Variants in KIF13A observed in about 807,000 individuals in gnomAD.
The protein encoded by KIF13A is kinesin-like protein KIF13A.
In KIF13A, 79 loss-of-function variants were observed where a neutral mutation model predicts 212.2. The observed-to-expected ratio is 0.37, with a 90% CI of 0.31 to 0.45. The LOEUF (loss-of-function observed/expected upper bound fraction) is 0.45. Among genes scored for constraint, KIF13A ranks in the 20% least tolerant of loss-of-function variants. The pLI is 1.00. For missense variants in KIF13A, 1,901 were observed against 2,209.0 expected, an observed-to-expected ratio of 0.86 and a Z score of 2.79; for synonymous variants, 789 against 808.6, an observed-to-expected ratio of 0.98 and a Z score of 0.41.
At position 17,786,480 on chromosome 6, in the gene KIF13A, G is replaced by T. The variant is rs998592187; in HGVS notation, c.3362-839C>A. Among the ~76,000 whole-genome samples the T allele has an allele frequency of 1.4e-4, 22 of 151,822 alleles. No homozygotes were observed. Among genetic ancestry groups the T allele is most frequent in the African/African-American group, 5.1e-4 (21 of 41,330 alleles). ...CAGGCGTGGTGGTGGGCGCCTTGTA[G>T]TCCCAGCTACTCAGGAGACTGAGGC... On this transcript the variant is annotated intron_variant, in intron 27 of 38. Coordinates refer to ENST00000259711, the MANE Select transcript of KIF13A (RefSeq NM_022113.6). The surrounding 1 kb of genome is among the most constrained non-coding windows in gnomAD (Gnocchi z 5.4).
Position 17,764,054 on chromosome 6 carries a change from T to C in KIF13A, c.*56A>G, listed in dbSNP as rs1758726608. ...TGTCACAAACAACTGGATGAATCTT[T>C]CCTACCAAGTTGTTGCGGTGAAGGG... On this transcript the variant is annotated 3_prime_UTR_variant, in exon 39 of 39. Transcript: ENST00000259711. This position sits in a 1 kb window ranked among gnomAD's most constrained non-coding sequence, Gnocchi z 5.1. 6.4e-7 allele frequency: 1 copy of C among 1,558,280 alleles called. No homozygotes were observed. The highest frequency in any genetic ancestry group is 1.2e-5 in the South Asian group (1 of 81,026).
At chr6:17,933,335 C>T (rs901405672) in intron 2 of KIF13A, among the ~76,000 whole-genome samples, 1 of 151,998 alleles carries the variant, frequency 6.6e-6, no homozygotes, top group Non-Finnish European at 1.5e-5. Flanking sequence ...TAGCCTCAAC[C>T]TCCTGAGCTC....
At chr6:17,884,103 T>C (rs553278853) in intron 3 of KIF13A, among the ~76,000 whole-genome samples, 9 of 152,262 alleles carry the variant, frequency 5.9e-5, no homozygotes, top group Admixed American at 5.9e-4. Context: ...CCTGCTCAAA[T>C]GTCACCTCCT....
rs1229108528 is a variant in KIF13A, at chr6:17,816,271, G to A, written c.2000+749C>T. On this transcript the variant is annotated intron_variant, in intron 17 of 38. Coordinates refer to ENST00000259711, the MANE Select transcript of KIF13A (RefSeq NM_022113.6). This position sits in a 1 kb window ranked among gnomAD's most constrained non-coding sequence, Gnocchi z 4.3. ...CAGGCTGGAGTGTGGTGGCATGATC[G>A]CAGCTCACTAAAGCCTTGATCTCTG... Among the ~76,000 whole-genome samples the A allele has an allele frequency of 6.6e-6, 1 of 151,168 alleles. No homozygotes were observed. The highest frequency in any genetic ancestry group is 1.5e-5 in the Non-Finnish European group (1 of 67,802).
In KIF13A at chr6:17,850,215, C is replaced by T. The variant is rs1581519560; in HGVS notation, c.717+108G>A. On this transcript the variant is annotated intron_variant, in intron 8 of 38. Coordinates refer to ENST00000259711, the MANE Select transcript of KIF13A (RefSeq NM_022113.6). The surrounding 1 kb of genome is among the most constrained non-coding windows in gnomAD (Gnocchi z 6.2). Reference sequence around the variant, plus strand: ...GTAGCTCACCTAGTAAGCAGAAGAGCCAACATACAATTCTCAGCCACTGAA... The same window carrying T: ...GTAGCTCACCTAGTAAGCAGAAGAGTCAACATACAATTCTCAGCCACTGAA... 1 of 1,052,616 alleles carries T rather than the reference C, an allele frequency of 9.5e-7. No homozygotes were observed. The highest frequency in any genetic ancestry group is 1.3e-6 in the Non-Finnish European group (1 of 752,420). 65.2% of individuals were successfully genotyped at this position (1,052,616 alleles called of 1,614,324 possible).
intron 3 of KIF13A, 113 bp from the exon 4 acceptor site, chr6:17,873,550 G>GA: frequency 1.4e-6 from 1 of 718,606 alleles, no homozygotes; most frequent in Non-Finnish European, 2.3e-6. Context: ...CTGTCTGACT[G>GA]AAAAAAATCA....
intron 9 of KIF13A, among the ~76,000 whole-genome samples, chr6:17,848,125 A>C (rs1394858603): frequency 6.6e-6 from 1 of 152,080 alleles, no homozygotes; most frequent in Non-Finnish European, 1.5e-5. Context: ...TTTTATTTTT[A>C]GTTGACACAC....
intron 2 of KIF13A, among the ~76,000 whole-genome samples, chr6:17,972,004 G>C (rs1468581121): frequency 1.3e-5 from 2 of 152,148 alleles, no homozygotes; most frequent in Admixed American, 6.5e-5. Context: ...AGACTAGGCT[G>C]TAATCCTAGA....
chr6:17,936,864 A>C (rs1776517070), intron 2 of KIF13A, among the ~76,000 whole-genome samples: 1 of 152,200 alleles, frequency 6.6e-6, no homozygotes, highest in South Asian at 2.1e-4. Context: ...AGTAGCAACA[A>C]CCAGAATGTT....
At chr6:17,859,620 T>TTATATATATATATATATATATA (rs1355192834) in intron 4 of KIF13A, among the ~76,000 whole-genome samples, 2 of 131,554 alleles carry the variant, frequency 1.5e-5, no homozygotes, top group South Asian at 2.4e-4. Flanking sequence ...GCAATGTATT[T>TTATATATATATATATATATATA]TATATATATA....
rs752119210 is a variant in KIF13A at position 17,773,289 on chromosome 6, T to C, written c.4324+189A>G. Reference sequence around the variant, plus strand: ...AGTCTATGATTATTTGGGTGATATGTTGGATACAAAACAAAAATAAATCAA... The same window carrying C: ...AGTCTATGATTATTTGGGTGATATGCTGGATACAAAACAAAAATAAATCAA... On this transcript the variant is annotated intron_variant, in intron 36 of 38. Transcript: ENST00000259711. The surrounding 1 kb of genome is among the most constrained non-coding windows in gnomAD (Gnocchi z 4.2). 5.3e-5 allele frequency among the ~76,000 whole-genome samples: 8 copies of C among 152,244 alleles called. No individual in the cohort carries two copies. Among genetic ancestry groups the C allele is most frequent in the Non-Finnish European group, 7.3e-5 (5 of 68,044 alleles).
intron 2 of KIF13A, among the ~76,000 whole-genome samples, chr6:17,943,348 T>A (rs944573285): frequency 3.3e-5 from 5 of 152,178 alleles, no homozygotes; most frequent in African/African-American, 9.7e-5. Context: ...AGAAAGTGAT[T>A]CTCCAATGTT....
chr6:17,783,204 T>C lies in KIF13A; in HGVS notation c.3544+442A>G, dbSNP rs1008206471. Among the ~76,000 whole-genome samples, 3 of 152,210 alleles carry C rather than the reference T, an allele frequency of 2.0e-5. No homozygotes were observed. Among genetic ancestry groups the C allele is most frequent in the African/African-American group, 4.8e-5 (2 of 41,460 alleles). On this transcript the variant is annotated intron_variant, in intron 29 of 38. Transcript: ENST00000259711. This position sits in a 1 kb window ranked among gnomAD's most constrained non-coding sequence, Gnocchi z 4.3. The stretch of plus-strand genomic sequence containing the variant: ...TTCTGCTAAAGCACATTGGAAACCA[T>C]TGTTCTAGACTTGCCCAGGTTCCAT...
In KIF13A at chr6:17,963,543, T is replaced by C. The variant is rs1455010782; in HGVS notation, c.146+23511A>G. ...AGGGCCCCAAGAGATTTGAGATTTG[T>C]AGGATAGATTTGTTCTATATCTTTC... On this transcript the variant is annotated intron_variant, in intron 2 of 38. Coordinates refer to ENST00000259711, the MANE Select transcript of KIF13A (RefSeq NM_022113.6). This position sits in a 1 kb window ranked among gnomAD's most constrained non-coding sequence, Gnocchi z 4.1. Among the ~76,000 whole-genome samples the C allele has an allele frequency of 1.3e-5, 2 of 152,196 alleles. No individual in the cohort carries two copies. Among genetic ancestry groups the C allele is most frequent in the Non-Finnish European group, 2.9e-5 (2 of 68,026 alleles).
rs1267807320 is a variant in KIF13A at position 17,899,387 on chromosome 6, A to C, written c.147-1207T>G. 2.0e-5 allele frequency among the ~76,000 whole-genome samples: 3 copies of C among 152,190 alleles called. No homozygotes were observed. Among genetic ancestry groups the C allele is most frequent in the Non-Finnish European group, 4.4e-5 (3 of 68,038 alleles). On this transcript the variant is annotated intron_variant, in intron 2 of 38. Transcript: ENST00000259711. The surrounding 1 kb of genome is among the most constrained non-coding windows in gnomAD (Gnocchi z 5.2). ...TAGGAAATAGAATCATGGGGCTAAGAAAGTAGATTTTCCAGGGCAGAGGGC... is the reference window on the plus strand; with the variant it reads ...TAGGAAATAGAATCATGGGGCTAAGCAAGTAGATTTTCCAGGGCAGAGGGC...
chr6:17,871,961 G>C lies in KIF13A; in HGVS notation c.220+1416C>G, dbSNP rs1301329120. ...TACACACCCGGCACAAAAATACAGA[G>C]TGCTAACAAGTCAAGACTGTTCCAG... On this transcript the variant is annotated intron_variant, in intron 4 of 38. Transcript: ENST00000259711. This position sits in a 1 kb window ranked among gnomAD's most constrained non-coding sequence, Gnocchi z 4.4. Among the ~76,000 whole-genome samples the C allele has an allele frequency of 6.6e-6, 1 of 152,172 alleles. No homozygotes were observed. Among genetic ancestry groups the C allele is most frequent in the Non-Finnish European group, 1.5e-5 (1 of 68,028 alleles).
chr6:17,908,528 C>T (rs903712765), intron 2 of KIF13A, among the ~76,000 whole-genome samples: 4 of 152,040 alleles, frequency 2.6e-5, no homozygotes, highest in African/African-American at 7.2e-5. Context: ...CGCTTGAGCC[C>T]GGGAGATTGA....
chr6:17,909,907 T>TG (rs1302509541), intron 2 of KIF13A, among the ~76,000 whole-genome samples: 5 of 150,610 alleles, frequency 3.3e-5, no homozygotes, highest in Non-Finnish European at 7.4e-5. Context: ...AGAGAGAGAG[T>TG]GGGGAAAAAA....
rs1758754529 is a variant in KIF13A at position 17,764,345 on chromosome 6, T to G, written c.5183A>C (p.Asn1728Thr). 5 of 1,613,990 alleles carry G rather than the reference T, an allele frequency of 3.1e-6. No homozygotes were observed. The highest frequency in any genetic ancestry group is 4.2e-6 in the Non-Finnish European group (5 of 1,179,884). Residue 1728 changes from asparagine to threonine, a missense_variant, in exon 39 of 39, where the codon AAC becomes ACC. Physicochemically the swap from Asn to Thr is moderately conservative, Grantham distance 65. This residue lies in a region of KIF13A where 687 missense variants were observed against 759.1 expected (regional missense o/e 0.90). Transcript: ENST00000259711. This position sits in a 1 kb window ranked among gnomAD's most constrained non-coding sequence, Gnocchi z 5.1. ...PREVTVEHTT[N>T]ILEDHSFTEF... Reference sequence around the variant, plus strand: ...TGTGAAAGAATGGTCTTCAAGGATGTTGGTGGTGTGTTCTACCGTCACCTC... The same window carrying G: ...TGTGAAAGAATGGTCTTCAAGGATGGTGGTGGTGTGTTCTACCGTCACCTC...
Sources: gnomAD v4.1 joint callset for allele counts (sites outside exome capture counted in the v4.1 genomes callset) on GRCh38, gnomAD v4.1.1 for gene constraint, gnomAD v4.1.1 regional missense constraint, Gnocchi (gnomAD v3.1) non-coding constraint, MANE v1.5 for transcripts, NCBI Gene and HGNC (gene_info 2026-07-23, HGNC 2026-07-21) for gene names.